The following ASTN2 variants were observed in gnomAD, a reference collection of about 807,000 sequenced individuals.
ASTN2 encodes the protein astrotactin 2, also known as astrotactin-2.
ASTN2 carries 54 observed loss-of-function variants against 139.8 expected under a neutral mutation model. The ratio of observed to expected loss-of-function variants is 0.39; its 90% confidence interval spans 0.31 to 0.48. The LOEUF (loss-of-function observed/expected upper bound fraction) is 0.48. Ranked by LOEUF, ASTN2 falls within the 20% of genes least tolerant of loss-of-function variation. The pLI, the probability that ASTN2 is intolerant of heterozygous loss-of-function variation, is 0.95. For synonymous variants in ASTN2, 756 were observed against 719.5 expected, an observed-to-expected ratio of 1.05 and a Z score of -0.81; for missense variants, 1,565 against 1,725.1, an observed-to-expected ratio of 0.91 and a Z score of 1.64.
chr9:117,261,829 G>T (rs1260938307), intron 2 of ASTN2, among the ~76,000 whole-genome samples: 1 of 152,088 alleles, frequency 6.6e-6, no homozygotes, highest in East Asian at 1.9e-4. Context: ...CATACCTTTT[G>T]CTTTTCTCAA....
intron 3 of ASTN2, among the ~76,000 whole-genome samples, chr9:117,177,981 G>A (rs541552260): frequency 2.6e-5 from 4 of 152,154 alleles, no homozygotes; most frequent in East Asian, 3.9e-4. Flanking sequence ...CCGTGTGATC[G>A]GGCCCTGTCT....
At chr9:117,124,154 G>A (rs1205157705) in intron 4 of ASTN2, among the ~76,000 whole-genome samples, 1 of 152,158 alleles carries the variant, frequency 6.6e-6, no homozygotes, top group Non-Finnish European at 1.5e-5. Flanking sequence ...TTCCAGCTTA[G>A]CTATAGCATA....
chr9:116,482,674 C>T (rs116450247), intron 20 of ASTN2, among the ~76,000 whole-genome samples: 6,227 of 152,034 alleles, frequency 0.041, 437 homozygotes, highest in African/African-American at 0.14. Flanking sequence ...GGCTTTTTTT[C>T]ACAATGCCCT....
intron 8 of ASTN2, among the ~76,000 whole-genome samples, 189 bp from the exon 9 acceptor site, chr9:116,976,377 G>C (rs1338458255): frequency 2.0e-5 from 3 of 152,232 alleles, no homozygotes; most frequent in Non-Finnish European, 4.4e-5. Flanking sequence ...CATAAAGTAT[G>C]CATGTCCATT....
At chr9:116,887,426 G>A (rs1203348178) in intron 10 of ASTN2, among the ~76,000 whole-genome samples, 2 of 151,622 alleles carry the variant, frequency 1.3e-5, no homozygotes, top group Non-Finnish European at 2.9e-5. Flanking sequence ...AGGGAGAAAG[G>A]GAATTCTGGA....
At chr9:116,451,987 G>A (rs953963943) in intron 20 of ASTN2, among the ~76,000 whole-genome samples, 21 of 151,710 alleles carry the variant, frequency 1.4e-4, no homozygotes, top group Admixed American at 7.9e-4. Flanking sequence ...CCCATCCCCC[G>A]TCTTTTCCTC....
At chr9:116,510,921 C>T (rs193017743) in intron 19 of ASTN2, among the ~76,000 whole-genome samples, 1,863 of 152,240 alleles carry the variant, frequency 0.012, 34 homozygotes, top group African/African-American at 0.043. Context: ...ATGGGGTTTT[C>T]TAGATATACA....
intron 5 of ASTN2, among the ~76,000 whole-genome samples, chr9:117,063,411 G>C (rs774885503): frequency 6.6e-6 from 1 of 152,278 alleles, no homozygotes; most frequent in Non-Finnish European, 1.5e-5. Context: ...CTTCATGCTA[G>C]TGAATAAATC....
At chr9:117,230,185 G>GAA (rs10636499) in intron 2 of ASTN2, among the ~76,000 whole-genome samples, 63 of 139,256 alleles carry the variant, frequency 4.5e-4, no homozygotes, top group African/African-American at 1.6e-3. Flanking sequence ...TCTTCAGGCT[G>GAA]AAAAAAAAAA....
chr9:116,475,325 A>G (rs926151752), intron 20 of ASTN2, among the ~76,000 whole-genome samples: 3 of 152,138 alleles, frequency 2.0e-5, no homozygotes, highest in Admixed American at 2.0e-4. Context: ...TCTGGCCACA[A>G]TGACTCATTG....
At chr9:116,712,539 C>G (rs1252295097) in intron 16 of ASTN2, among the ~76,000 whole-genome samples, 2 of 152,122 alleles carry the variant, frequency 1.3e-5, no homozygotes, top group African/African-American at 4.8e-5. Context: ...TATGTGAGCA[C>G]TCTGGGTCAC....
intron 6 of ASTN2, among the ~76,000 whole-genome samples, chr9:117,039,059 G>A (rs547405631): frequency 6.6e-6 from 1 of 152,188 alleles, no homozygotes; most frequent in South Asian, 2.1e-4. Flanking sequence ...CTCTTTGGGG[G>A]GCATTTTTAT....
At chr9:117,056,844 A>G (rs1273194327) in intron 5 of ASTN2, among the ~76,000 whole-genome samples, 1 of 152,220 alleles carries the variant, frequency 6.6e-6, no homozygotes, top group Admixed American at 6.5e-5. Flanking sequence ...AGCTAAGAAC[A>G]TGATTAGAGT....
At chr9:116,584,207 T>A (rs1285661530) in intron 19 of ASTN2, 1 of 152,196 alleles carries the variant, frequency 6.6e-6, no homozygotes, top group Non-Finnish European at 1.5e-5. Context: ...CCAGGAAATT[T>A]GAGTGATGTG....
intron 6 of ASTN2, among the ~76,000 whole-genome samples, chr9:117,035,739 C>T (rs1051042088): frequency 3.9e-5 from 6 of 152,074 alleles, no homozygotes; most frequent in Non-Finnish European, 8.8e-5. Flanking sequence ...TTGGGATTAC[C>T]AGACAGCCAT....
intron 12 of ASTN2, among the ~76,000 whole-genome samples, chr9:116,806,317 G>C (rs1372805124): frequency 6.6e-6 from 1 of 152,168 alleles, no homozygotes; most frequent in Non-Finnish European, 1.5e-5. Context: ...AGCAGCCTCC[G>C]TTGGTCTAAC....
chr9:116,668,249 T>C (rs1270047003), intron 16 of ASTN2, among the ~76,000 whole-genome samples: 2 of 151,350 alleles, frequency 1.3e-5, no homozygotes, highest in African/African-American at 2.4e-5. Flanking sequence ...TGGAGTACAG[T>C]TGCACAATCT....
chr9:117,186,572 TAAAA>T (rs922026215), intron 3 of ASTN2, among the ~76,000 whole-genome samples: 1 of 151,438 alleles, frequency 6.6e-6, no homozygotes, highest in Non-Finnish European at 1.5e-5. Flanking sequence ...TAAAATAAAA[TAAAA>T]TAAATAAATA....
At chr9:117,339,906 CAAAAAAAA>C (rs34679364) in intron 1 of ASTN2, among the ~76,000 whole-genome samples, 1 of 86,984 alleles carries the variant, frequency 1.1e-5, no homozygotes, top group Non-Finnish European at 2.5e-5. Context: ...GTCTCTTTTA[CAAAAAAAA>C]AAAAAAAAAA....
Sources: gnomAD v4.1 joint callset for allele counts (sites outside exome capture counted in the v4.1 genomes callset) on GRCh38, gnomAD v4.1.1 for gene constraint, MANE v1.5 for transcripts, NCBI Gene and HGNC (gene_info 2026-07-23, HGNC 2026-07-21) for gene names.